The following RSPH10B2 variants were observed in gnomAD, a reference collection of about 807,000 sequenced individuals.
RSPH10B2 encodes radial spoke head 10 homolog B2 (Chlamydomonas).
A neutral mutation model predicts 49.0 loss-of-function variants in RSPH10B2; 9 were observed. That is an observed-to-expected ratio of 0.18 (90% CI 0.11 to 0.32). The LOEUF (loss-of-function observed/expected upper bound fraction) is 0.32, where lower values mean the gene tolerates loss of function less well. Ranked by LOEUF, RSPH10B2 falls within the 10% of genes least tolerant of loss-of-function variation. The pLI, the probability that RSPH10B2 is intolerant of heterozygous loss-of-function variation, is 1.00. For missense variants in RSPH10B2, 95 were observed against 589.9 expected (o/e 0.16, Z 8.69); for synonymous variants, 35 against 210.2 (o/e 0.17, Z 7.21).
chr7:6,764,462 G>A (rs1266787474), intron 4 of RSPH10B2, among the ~76,000 whole-genome samples: 1 of 151,120 alleles, frequency 6.6e-6, no homozygotes, highest in Non-Finnish European at 1.5e-5. Flanking sequence ...CCGGGTTCAA[G>A]CAAATCTCCT....
intron 18 of RSPH10B2, among the ~76,000 whole-genome samples, chr7:6,797,479 C>G (rs1200885968): frequency 4.7e-4 from 72 of 151,782 alleles, no homozygotes; most frequent in African/African-American, 1.7e-3. Context: ...TCCAGCCCAA[C>G]CTCCCAGGAA....
At chr7:6,770,629 G>A (rs1781601843) in intron 7 of RSPH10B2, among the ~76,000 whole-genome samples, 2 of 140,116 alleles carry the variant, frequency 1.4e-5, no homozygotes, top group South Asian at 4.3e-4. Context: ...AAAATTGTGG[G>A]GCACGATGGC....
Position 6,780,889 on chromosome 7 carries a change from G to T in RSPH10B2, c.1609+1G>T. The T allele has an allele frequency of 6.7e-7, 1 of 1,490,882 alleles. No individual in the cohort carries two copies. 92.4% of individuals were successfully genotyped at this position (1,490,882 alleles called of 1,614,324 possible). The stretch of plus-strand genomic sequence containing the variant: ...CGTCCAAATGCCTGCCAGATAAAAG[G>T]TAAATACAAAACCAATAGGATTCTA... On this transcript the variant is annotated splice_donor_variant, in intron 12 of 18. Transcript: ENST00000297186. LOFTEE classifies it high-confidence loss of function.
At position 6,782,729 on chromosome 7, in the gene RSPH10B2, A is replaced by G. The variant is rs1210165674; in HGVS notation, c.1758+1253A>G. On this transcript the variant is annotated intron_variant, in intron 13 of 18. Coordinates refer to ENST00000297186, the Ensembl canonical transcript of RSPH10B2. ...AACCCCCTTTCGACTAAAAATACAA[A>G]AAAATTAGCCAGGCATGGTGGCCAG... Among the ~76,000 whole-genome samples the G allele has an allele frequency of 3.3e-4, 39 of 117,716 alleles. 7 individuals carry two copies. The highest frequency in any genetic ancestry group is 1.0e-3 in the Admixed American group (11 of 10,584). The allele number at this position is 117,716 out of a possible 152,430, so 77.2% of individuals were successfully genotyped here. A position where few individuals can be genotyped will look rare whatever the true frequency, so the allele number is the denominator to read the frequency against.
intron 4 of RSPH10B2, among the ~76,000 whole-genome samples, chr7:6,764,400 G>T (rs1319859771): frequency 6.7e-6 from 1 of 150,288 alleles, no homozygotes; most frequent in African/African-American, 2.5e-5. Flanking sequence ...TTGCTCTGTC[G>T]CCCAGGCGGG....
chr7:6,794,571 CTAA>C (rs1468077722), intron 17 of RSPH10B2: 13 of 77,474 alleles, frequency 1.7e-4, no homozygotes, highest in African/African-American at 6.6e-4. Context: ...GGAACCCCAG[CTAA>C]TGTGTTTTCC....
At chr7:6,758,984 G>A (rs1393473865) in intron 1 of RSPH10B2, 100 bp from the exon 4 acceptor site, 1 of 388,894 alleles carries the variant, frequency 2.6e-6, no homozygotes, top group African/African-American at 3.2e-5. Context: ...TTTTTTTTCT[G>A]ACTTCATTCT....
In RSPH10B2 at chr7:6,768,643, T is replaced by A; in HGVS notation, c.834T>A (p.Tyr278Ter). ...TAAAGAGAATCCGCAGTTCCCAGTA[T>A]CCTTTGAGAAATGAATACATAGGGG... Residue 278 changes from tyrosine (Y) to a stop codon, truncating the protein, a stop_gained, in exon 7 of 19, where the codon TAT becomes TAA. Coordinates refer to ENST00000297186, the Ensembl canonical transcript of RSPH10B2. LOFTEE classifies it high-confidence loss of function. 2.4e-6 allele frequency: 1 copy of A among 420,438 alleles called. No individual in the cohort carries two copies. The highest frequency in any genetic ancestry group is 5.3e-5 in the Admixed American group (1 of 18,988). 26.0% of individuals were successfully genotyped at this position (420,438 alleles called of 1,614,324 possible). A position where few individuals can be genotyped will look rare whatever the true frequency, so the allele number is the denominator to read the frequency against.
intron 13 of RSPH10B2, among the ~76,000 whole-genome samples, chr7:6,785,478 G>A (rs1195420411): frequency 1.3e-4 from 20 of 152,324 alleles, no homozygotes; most frequent in African/African-American, 4.3e-4. Flanking sequence ...ATGTCTGGCC[G>A]CAAATGCCCA....
chr7:6,764,711 TGTG>T (rs1447455517), intron 4 of RSPH10B2, among the ~76,000 whole-genome samples: 429 of 13,106 alleles, frequency 0.033, no homozygotes, highest in African/African-American at 0.092. Context: ...GTTGTTGTTG[TGTG>T]TGTGTGTGTG....
At chr7:6,784,176 T>G (rs1322303919) in intron 13 of RSPH10B2, among the ~76,000 whole-genome samples, 1 of 44,810 alleles carries the variant, frequency 2.2e-5, no homozygotes, top group African/African-American at 1.0e-4. Flanking sequence ...AATTGTAACA[T>G]CTTTGTCATC....
chr7:6,780,757 T>A (rs1433611998), intron 11 of RSPH10B2, 52 bp from the exon 14 acceptor site: 1 of 1,309,156 alleles, frequency 7.6e-7, no homozygotes, highest in African/African-American at 1.8e-5. Context: ...GGGAATTATG[T>A]TCCCTCTTTT....
At chr7:6,760,876 CT>C (rs1165641462) in intron 3 of RSPH10B2, among the ~76,000 whole-genome samples, 5,019 of 65,360 alleles carry the variant, frequency 0.077, 275 homozygotes, top group Non-Finnish European at 0.088. Flanking sequence ...TTTATTTTTA[CT>C]TTTTTTTTTT....
At chr7:6,776,523 C>G (rs1328789266) in exon 10 of RSPH10B2, 22 of 39,782 alleles carry the variant, frequency 5.5e-4, no homozygotes, top group Admixed American at 1.1e-3. Flanking sequence ...CTAACTCTTG[C>G]TGATATGGAC....
chr7:6,758,372 C>A (rs1243247368), intron 1 of RSPH10B2, among the ~76,000 whole-genome samples: 1 of 147,982 alleles, frequency 6.8e-6, no homozygotes, highest in Non-Finnish European at 1.5e-5. Flanking sequence ...TTGTGTGATG[C>A]TGAGGTTTGG....
At chr7:6,776,873 TCACA>T (rs746541740) in intron 10 of RSPH10B2, among the ~76,000 whole-genome samples, 18,316 of 110,410 alleles carry the variant, frequency 0.17, 1,165 homozygotes, top group East Asian at 0.26. Flanking sequence ...CGAGACTCCA[TCACA>T]CACACACACA....
rs189436543 is a variant in RSPH10B2 at position 6,797,317 on chromosome 7, T to G, written c.2432+551T>G. 9.6e-3 allele frequency among the ~76,000 whole-genome samples: 1,427 copies of G among 148,962 alleles called. 9 individuals are homozygous for G. Among genetic ancestry groups the G allele is most frequent in the African/African-American group, 0.033 (1,353 of 41,034 alleles). On this transcript the variant is annotated intron_variant, in intron 18 of 18. Transcript: ENST00000297186. The stretch of plus-strand genomic sequence containing the variant: ...AGTCACTGCATGCAGCTATTTTCTA[T>G]TTCTTGACCCAAGAGTTCAAAACCT...
chr7:6,776,885 A>T (rs1159551633), intron 10 of RSPH10B2, among the ~76,000 whole-genome samples: 2,922 of 133,330 alleles, frequency 0.022, 62 homozygotes, highest in African/African-American at 0.049. Context: ...ACACACACAC[A>T]CACACACACA....
At chr7:6,758,674 A>G (rs1290695253) in intron 1 of RSPH10B2, among the ~76,000 whole-genome samples, 1 of 124,220 alleles carries the variant, frequency 8.1e-6, no homozygotes, top group Admixed American at 8.3e-5. Context: ...GTGAAACTCC[A>G]TCTCTACTAA....
Sources: allele counts gnomAD v4.1 joint callset (sites outside exome capture counted in the v4.1 genomes callset), GRCh38; gene constraint gnomAD v4.1.1; transcripts MANE v1.5; gene names NCBI Gene and HGNC (gene_info 2026-07-23, HGNC 2026-07-21).